Variants in ARHGAP42 observed in about 807,000 individuals in gnomAD.
ARHGAP42 encodes the protein rho GTPase-activating protein 42.
In ARHGAP42, 63 loss-of-function variants were observed where a neutral mutation model predicts 125.0. That is an observed-to-expected ratio of 0.50 (90% CI 0.41 to 0.62). The LOEUF is 0.62. Ranked by LOEUF, ARHGAP42 falls within the 20% of genes least tolerant of loss-of-function variation. ARHGAP42 has a pLI of 0.00. For missense variants in ARHGAP42, 766 were observed against 1,024.2 expected, an observed-to-expected ratio of 0.75 and a Z score of 3.44; for synonymous variants, 339 against 351.0, an observed-to-expected ratio of 0.97 and a Z score of 0.38.
chr11:100,822,321 T>A (rs910360133), intron 3 of ARHGAP42, among the ~76,000 whole-genome samples: 9 of 151,984 alleles, frequency 5.9e-5, no homozygotes, highest in East Asian at 1.9e-4. Flanking sequence ...TAAAAAAAAA[T>A]TTTTCTATCA....
intron 3 of ARHGAP42, among the ~76,000 whole-genome samples, chr11:100,854,286 G>C (rs1487550291): frequency 1.3e-5 from 2 of 152,068 alleles, no homozygotes; most frequent in African/African-American, 4.8e-5. Context: ...AAGTATTATT[G>C]CTGGTAAAAA....
chr11:100,792,792 A>G (rs541931), intron 2 of ARHGAP42, among the ~76,000 whole-genome samples: 121,510 of 149,716 alleles, frequency 0.81, 49,279 homozygotes, highest in Middle Eastern at 0.85. Flanking sequence ...TCTCTCTGTC[A>G]CCTAGGCTGG....
chr11:100,976,569 C>A, intron 20 of ARHGAP42, 132 bp downstream of exon 20: 1 of 1,335,790 alleles, frequency 7.5e-7, no homozygotes, highest in Non-Finnish European at 9.9e-7. Flanking sequence ...TTTTCCTGTG[C>A]TTGGATTTTA....
chr11:100,769,674 C>CT (rs1170959285), intron 1 of ARHGAP42, among the ~76,000 whole-genome samples: 2 of 139,638 alleles, frequency 1.4e-5, no homozygotes, highest in Non-Finnish European at 3.1e-5. Flanking sequence ...CAACTGTTGG[C>CT]TTTTTTCCCG....
chr11:100,920,965 C>A (rs996615504), intron 5 of ARHGAP42, among the ~76,000 whole-genome samples: 2 of 151,666 alleles, frequency 1.3e-5, no homozygotes, highest in African/African-American at 4.8e-5. Flanking sequence ...TAGTATGATG[C>A]TATCCTCACT....
chr11:100,703,006 C>T (rs1056802096), intron 1 of ARHGAP42, among the ~76,000 whole-genome samples: 15 of 152,168 alleles, frequency 9.9e-5, no homozygotes, highest in East Asian at 1.9e-4. Context: ...ATAGTGGATG[C>T]TCAGTAACTA....
intron 12 of ARHGAP42, among the ~76,000 whole-genome samples, chr11:100,955,986 A>T (rs1278936104): frequency 3.3e-5 from 5 of 152,092 alleles, no homozygotes; most frequent in Non-Finnish European, 7.4e-5. Context: ...TGACTACTTC[A>T]TCCACAGTCA....
intron 6 of ARHGAP42, among the ~76,000 whole-genome samples, chr11:100,926,115 TG>T (rs1436330169): frequency 5.9e-5 from 9 of 152,342 alleles, no homozygotes; most frequent in Non-Finnish European, 1.0e-4. Context: ...ATGACTCATC[TG>T]CCTTATGATT....
chr11:100,912,144 A>C (rs1017507694), intron 4 of ARHGAP42, among the ~76,000 whole-genome samples: 1 of 152,166 alleles, frequency 6.6e-6, no homozygotes, highest in African/African-American at 2.4e-5. Context: ...TTTCCTAGAT[A>C]GATAAACCTG....
intron 8 of ARHGAP42, among the ~76,000 whole-genome samples, chr11:100,938,399 G>A (rs1278152419): frequency 2.0e-5 from 3 of 152,090 alleles, no homozygotes; most frequent in Non-Finnish European, 2.9e-5. Flanking sequence ...GGGTCTCACA[G>A]TTCATTTCTC....
intron 6 of ARHGAP42, among the ~76,000 whole-genome samples, chr11:100,923,444 A>T (rs923536532): frequency 3.9e-5 from 6 of 152,096 alleles, no homozygotes; most frequent in Non-Finnish European, 5.9e-5. Flanking sequence ...CTCTTGGAAG[A>T]TGATATGGGA....
chr11:100,903,152 C>CACACACACACACAG (rs1866605720), intron 4 of ARHGAP42, among the ~76,000 whole-genome samples: 2 of 151,804 alleles, frequency 1.3e-5, no homozygotes, highest in African/African-American at 2.4e-5. Context: ...CACACACACA[C>CACACACACACACAG]ACACCAAGCT....
intron 1 of ARHGAP42, among the ~76,000 whole-genome samples, chr11:100,690,711 C>T (rs1861174328): frequency 6.6e-6 from 1 of 152,142 alleles, no homozygotes; most frequent in Non-Finnish European, 1.5e-5. Context: ...ATTCTCCTGC[C>T]TCAGCCTCCC....
chr11:100,772,580 A>G (rs2134993317), intron 2 of ARHGAP42, among the ~76,000 whole-genome samples: 1 of 152,270 alleles, frequency 6.6e-6, no homozygotes, highest in South Asian at 2.1e-4. Flanking sequence ...TCCCACATGC[A>G]TGACTTCTTC....
At chr11:100,930,706 T>A (rs1239400353) in intron 6 of ARHGAP42, among the ~76,000 whole-genome samples, 2 of 152,168 alleles carry the variant, frequency 1.3e-5, no homozygotes, top group Admixed American at 6.5e-5. Flanking sequence ...TGATTAAGAA[T>A]TTAAAAGCAG....
chr11:100,748,694 A>T lies in ARHGAP42; in HGVS notation c.155-21649A>T, dbSNP rs116292961. ...CAGTTGCTGCTAATAGATTGAATGC[A>T]TTTGGGCCATCTATGGGTTACTGGG... On this transcript the variant is annotated intron_variant, in intron 1 of 23. Coordinates refer to ENST00000298815, the MANE Select transcript of ARHGAP42 (RefSeq NM_152432.4). Among the ~76,000 whole-genome samples, 332 of 152,262 alleles carry T rather than the reference A, an allele frequency of 2.2e-3. 2 individuals are homozygous for T. Among genetic ancestry groups the T allele is most frequent in the African/African-American group, 7.6e-3 (314 of 41,552 alleles).
intron 4 of ARHGAP42, among the ~76,000 whole-genome samples, chr11:100,898,279 C>G (rs1226177946): frequency 1.3e-5 from 2 of 152,184 alleles, no homozygotes; most frequent in Admixed American, 1.3e-4. Context: ...CGATGTTCAT[C>G]AGGGACATTG....
At chr11:100,954,550 A>T (rs146397870) in intron 12 of ARHGAP42, among the ~76,000 whole-genome samples, 1 of 152,040 alleles carries the variant, frequency 6.6e-6, no homozygotes, top group Non-Finnish European at 1.5e-5. Context: ...TTCTCATTCT[A>T]TGCAGTTACC....
chr11:100,887,524 G>C (rs636528), intron 4 of ARHGAP42, among the ~76,000 whole-genome samples: 129,254 of 152,240 alleles, frequency 0.85, 55,082 homozygotes, highest in East Asian at 1. Flanking sequence ...GTCTTTCTAG[G>C]TTAAAAATCC....
Sources: allele counts gnomAD v4.1 joint callset (sites outside exome capture counted in the v4.1 genomes callset), GRCh38; gene constraint gnomAD v4.1.1; transcripts MANE v1.5; gene names NCBI Gene and HGNC (gene_info 2026-07-23, HGNC 2026-07-21).